The following CCSER1 variants were observed in gnomAD, a reference collection of about 807,000 sequenced individuals.
The protein encoded by CCSER1 is coiled-coil serine rich protein 1.
In CCSER1, 41 loss-of-function variants were observed where a neutral mutation model predicts 82.0. That is an observed-to-expected ratio of 0.50 (90% confidence interval 0.39 to 0.65). The LOEUF (loss-of-function observed/expected upper bound fraction) is 0.65, where lower values mean the gene tolerates loss of function less well. Among genes scored for constraint, CCSER1 ranks in the 30% least tolerant of loss-of-function variants. CCSER1 has a pLI of 0.00. For missense variants in CCSER1, 1,119 were observed against 1,064.2 expected (o/e 1.05, Z -0.72); for synonymous variants, 414 against 383.9 (o/e 1.08, Z -0.92).
At chr4:90,344,225 CTT>C (rs967597690) in intron 3 of CCSER1, among the ~76,000 whole-genome samples, 3 of 152,194 alleles carry the variant, frequency 2.0e-5, no homozygotes, top group African/African-American at 7.2e-5. Flanking sequence ...GGATGCCACT[CTT>C]TTTTACAGTC....
chr4:91,354,029 T>C (rs1340447371), intron 10 of CCSER1, among the ~76,000 whole-genome samples: 1 of 152,214 alleles, frequency 6.6e-6, no homozygotes, highest in Admixed American at 6.5e-5. Context: ...TGTTAGCAAG[T>C]AGTAAGAGCT....
chr4:90,376,187 G>A (rs1294520733), intron 3 of CCSER1, among the ~76,000 whole-genome samples: 1 of 152,116 alleles, frequency 6.6e-6, no homozygotes, highest in Non-Finnish European at 1.5e-5. Context: ...TTCAAAATTA[G>A]GCTGCCTGTG....
At chr4:90,885,088 C>A (rs1262581068) in intron 8 of CCSER1, among the ~76,000 whole-genome samples, 1 of 152,040 alleles carries the variant, frequency 6.6e-6, no homozygotes, top group Non-Finnish European at 1.5e-5. Flanking sequence ...AAATGTTGTA[C>A]CTCTTAGGTG....
Position 90,690,030 on chromosome 4 carries a change from G to A in CCSER1, c.1933-33884G>A, listed in dbSNP as rs144762668. 3.9e-5 allele frequency among the ~76,000 whole-genome samples: 6 copies of A among 152,158 alleles called. No individual in the cohort carries two copies. In the East Asian group the frequency reaches 1.2e-3, roughly 30 times the overall value. On this transcript the variant is annotated intron_variant, in intron 6 of 10. Transcript: ENST00000509176. ...TCAAAGCAAACAAGAATAAACTTGGGCCAGGTATGCACAGAGCTGGCCAAA... is the reference window on the plus strand; with the variant it reads ...TCAAAGCAAACAAGAATAAACTTGGACCAGGTATGCACAGAGCTGGCCAAA...
chr4:91,046,910 C>A (rs186501671), intron 9 of CCSER1, among the ~76,000 whole-genome samples: 1 of 151,912 alleles, frequency 6.6e-6, no homozygotes, highest in Non-Finnish European at 1.5e-5. Flanking sequence ...TAGAGACAGG[C>A]TTTCAGCATG....
At chr4:90,541,552 A>G (rs1349746594) in intron 5 of CCSER1, among the ~76,000 whole-genome samples, 1 of 152,136 alleles carries the variant, frequency 6.6e-6, no homozygotes, top group Non-Finnish European at 1.5e-5. Flanking sequence ...AATTAAATCC[A>G]GGAATGACAC....
chr4:91,571,830 T>C (rs1763199762), intron 10 of CCSER1, among the ~76,000 whole-genome samples: 2 of 152,126 alleles, frequency 1.3e-5, no homozygotes, highest in Non-Finnish European at 2.9e-5. Context: ...CAGAGGTTCC[T>C]TGTCTGGTGA....
chr4:90,454,089 C>T (rs894579502), intron 4 of CCSER1, among the ~76,000 whole-genome samples: 19 of 152,178 alleles, frequency 1.2e-4, no homozygotes, highest in Admixed American at 1.3e-4. Flanking sequence ...AGGTGGCTTT[C>T]TCATGTTGCC....
At chr4:90,384,092 TTTG>T (rs1224860937) in intron 3 of CCSER1, among the ~76,000 whole-genome samples, 2 of 151,878 alleles carry the variant, frequency 1.3e-5, no homozygotes, top group East Asian at 1.9e-4. Flanking sequence ...CCTCGTTTTT[TTTG>T]TTGTTGTTGT....
intron 6 of CCSER1, among the ~76,000 whole-genome samples, chr4:90,630,916 T>C (rs9995092): frequency 0.55 from 82,302 of 148,780 alleles, 26,162 homozygotes; most frequent in African/African-American, 0.88. Flanking sequence ...TTATTTGAGA[T>C]GGAGTCTCGC....
intron 9 of CCSER1, among the ~76,000 whole-genome samples, chr4:91,025,221 G>C (rs969666473): frequency 2.0e-5 from 3 of 152,036 alleles, no homozygotes; most frequent in Admixed American, 6.6e-5. Context: ...CAGCCTGGGA[G>C]TTTAAAAAAT....
chr4:91,470,844 C>CA (rs1250748707), intron 10 of CCSER1, among the ~76,000 whole-genome samples: 1 of 152,108 alleles, frequency 6.6e-6, no homozygotes, highest in African/African-American at 2.4e-5. Flanking sequence ...CTCTTCCCCC[C>CA]ACAAAATTAT....
intron 3 of CCSER1, among the ~76,000 whole-genome samples, chr4:90,376,020 C>T (rs950982289): frequency 2.0e-5 from 3 of 152,136 alleles, no homozygotes; most frequent in African/African-American, 7.2e-5. Flanking sequence ...ATGTGTGGCC[C>T]TGGGACTGTA....
intron 10 of CCSER1, among the ~76,000 whole-genome samples, chr4:91,399,626 G>A (rs1752200230): frequency 6.6e-6 from 1 of 151,852 alleles, no homozygotes; most frequent in Non-Finnish European, 1.5e-5. Flanking sequence ...CAGTTAACAT[G>A]TACTCATCAG....
At chr4:90,227,314 T>G (rs755582089) in intron 1 of CCSER1, among the ~76,000 whole-genome samples, 1 of 152,236 alleles carries the variant, frequency 6.6e-6, no homozygotes, top group Non-Finnish European at 1.5e-5. Context: ...GAGATGCCTT[T>G]TGAAGTAGAG....
At chr4:90,558,832 TTAAGTGAGC>T (rs1247924928) in intron 5 of CCSER1, among the ~76,000 whole-genome samples, 1 of 152,162 alleles carries the variant, frequency 6.6e-6, no homozygotes, top group Non-Finnish European at 1.5e-5. Flanking sequence ...ATGATTGTTT[TTAAGTGAGC>T]TAAGCATGAA....
At position 90,308,684 on chromosome 4, in the gene CCSER1, G is replaced by A; in HGVS notation, c.400G>A (p.Asp134Asn). The A allele has an allele frequency of 6.2e-7, 1 of 1,613,480 alleles. No homozygotes were observed. Among genetic ancestry groups the A allele is most frequent in the Non-Finnish European group, 8.5e-7 (1 of 1,179,732 alleles). ...NKKITRSLTE[D>N]FEREKEHSTN... is the part of the protein sequence containing the mutation. ...GAAGATAACAAGATCTTTGACAGAG[G>A]ATTTTGAAAGGGAAAAAGAGCACTC... Residue 134 changes from aspartate (D) to asparagine (N), a missense_variant, in exon 2 of 11, where the codon GAT becomes AAT. Physicochemically the swap from Asp to Asn is conservative, Grantham distance 23. Transcript: ENST00000509176.
chr4:91,045,263 G>C (rs1036340711), intron 9 of CCSER1, among the ~76,000 whole-genome samples: 3 of 152,094 alleles, frequency 2.0e-5, no homozygotes, highest in Non-Finnish European at 4.4e-5. Context: ...TAAAAATTTA[G>C]TTGTTAAAAT....
At chr4:90,945,024 G>A (rs1051842367) in intron 9 of CCSER1, among the ~76,000 whole-genome samples, 10 of 152,178 alleles carry the variant, frequency 6.6e-5, no homozygotes, top group Admixed American at 1.3e-4. Flanking sequence ...TTTCTCTTCC[G>A]TGTTTTGAAT....
Sources: gnomAD v4.1 joint callset for allele counts (sites outside exome capture counted in the v4.1 genomes callset) on GRCh38, gnomAD v4.1.1 for gene constraint, MANE v1.5 for transcripts, NCBI Gene and HGNC (gene_info 2026-07-23, HGNC 2026-07-21) for gene names.